Variants in PBX3 observed in about 807,000 individuals in gnomAD.
PBX3 encodes PBX homeobox 3, also known as pre-B-cell leukemia transcription factor 3.
Under a neutral mutation model 48.5 loss-of-function variants are expected in PBX3, and 14 were observed. The observed-to-expected ratio is 0.29, with a 90% CI of 0.19 to 0.45. The LOEUF is 0.45. Ranked by LOEUF, PBX3 falls within the 20% of genes least tolerant of loss-of-function variation. The probability of loss-of-function intolerance (pLI) is 1.00; values close to 1 mark genes in which losing one functional copy is unlikely to be tolerated. For synonymous variants in PBX3, 210 were observed against 200.3 expected, an observed-to-expected ratio of 1.05 and a Z score of -0.41; for missense variants, 386 against 546.7, an observed-to-expected ratio of 0.71 and a Z score of 2.93.
intron 2 of PBX3, among the ~76,000 whole-genome samples, chr9:125,792,308 G>C (rs142189717): frequency 6.6e-6 from 1 of 152,284 alleles, no homozygotes; most frequent in East Asian, 1.9e-4. Context: ...AGATCCTTCA[G>C]GGTATGGCTC....
At chr9:125,753,677 G>T (rs1836434262) in intron 2 of PBX3, among the ~76,000 whole-genome samples, 1 of 151,726 alleles carries the variant, frequency 6.6e-6, no homozygotes, top group Non-Finnish European at 1.5e-5. Context: ...TATTTTATTT[G>T]GGACTTTACT....
At chr9:125,865,850 A>T (rs868001262) in intron 2 of PBX3, among the ~76,000 whole-genome samples, 1 of 152,198 alleles carries the variant, frequency 6.6e-6, no homozygotes, top group Non-Finnish European at 1.5e-5. Context: ...TAAGTGGTTG[A>T]TGTGAGAAGA....
chr9:125,756,792 A>G (rs1836529966), intron 2 of PBX3, among the ~76,000 whole-genome samples: 1 of 152,146 alleles, frequency 6.6e-6, no homozygotes, highest in South Asian at 2.1e-4. Flanking sequence ...TCCTGATTAC[A>G]TTTCGCTGTG....
chr9:125,747,607 C>G lies in PBX3; in HGVS notation c.154C>G (p.Gln52Glu). 2 of 1,604,888 alleles carry G rather than the reference C, an allele frequency of 1.2e-6. No homozygotes were observed. Among genetic ancestry groups the G allele is most frequent in the East Asian group, 2.3e-5 (1 of 43,530 alleles). ...RKQDIGDILH[Q>E]IMTITDQSLD... ...GCAGGACATCGGCGACATCCTCCAC[C>G]AGATCATGACCATCACCGACCAGAG... Residue 52 changes from glutamine (Q) to glutamate (E), a missense_variant, in exon 1 of 9, where the codon CAG becomes GAG. Around this residue, in one of 4 missense-constraint regions of PBX3, gnomAD observed 116 missense variants for 98.2 expected, o/e 1.18. Transcript: ENST00000373489.
intron 2 of PBX3, among the ~76,000 whole-genome samples, chr9:125,757,143 A>AAT (rs1836539690): frequency 6.6e-6 from 1 of 152,150 alleles, no homozygotes; most frequent in Non-Finnish European, 1.5e-5. Flanking sequence ...TGCATTAAAA[A>AAT]ATATATATAT....
chr9:125,929,990 T>A, intron 4 of PBX3, 145 bp downstream of exon 4: 1 of 648,780 alleles, frequency 1.5e-6, no homozygotes, highest in South Asian at 1.9e-5. Flanking sequence ...CAACTCATGG[T>A]TCCTGTGCTG....
At chr9:125,795,623 T>G (rs1028172076) in intron 2 of PBX3, among the ~76,000 whole-genome samples, 3 of 152,142 alleles carry the variant, frequency 2.0e-5, no homozygotes, top group Non-Finnish European at 4.4e-5. Context: ...TAAATCAGAT[T>G]CCACTATTAA....
At chr9:125,753,575 C>T (rs1836431621) in intron 2 of PBX3, among the ~76,000 whole-genome samples, 1 of 152,056 alleles carries the variant, frequency 6.6e-6, no homozygotes, top group Non-Finnish European at 1.5e-5. Flanking sequence ...GTATTGAACT[C>T]TCTTGTCAAT....
At chr9:125,949,895 C>T (rs1048221693) in intron 5 of PBX3, among the ~76,000 whole-genome samples, 14 of 152,114 alleles carry the variant, frequency 9.2e-5, no homozygotes, top group Non-Finnish European at 1.3e-4. Context: ...TTCTGGGATG[C>T]GGCTGTGTTG....
At chr9:125,760,590 A>C (rs907389707) in intron 2 of PBX3, among the ~76,000 whole-genome samples, 22 of 152,184 alleles carry the variant, frequency 1.4e-4, no homozygotes, top group African/African-American at 5.1e-4. Context: ...ATTGTATTTA[A>C]ATTTCTGTGG....
chr9:125,814,980 T>C (rs1357352440), intron 2 of PBX3, among the ~76,000 whole-genome samples: 5 of 152,236 alleles, frequency 3.3e-5, no homozygotes, highest in African/African-American at 1.2e-4. Flanking sequence ...TTCTAACTCA[T>C]CTTTTATCAG....
At position 125,875,732 on chromosome 9, in the gene PBX3, C is replaced by G. The variant is rs142195394; in HGVS notation, c.275-39954C>G. Among the ~76,000 whole-genome samples the G allele has an allele frequency of 2.9e-3, 445 of 152,240 alleles. 2 individuals are homozygous for G. Among genetic ancestry groups the G allele is most frequent in the Non-Finnish European group, 5.4e-3 (364 of 68,006 alleles). Reference sequence around the variant, plus strand: ...TGCTACTCAAACATTTAATTATTCCCCCCCACCTGTAGGATGAAGTTCAAA... The same window carrying G: ...TGCTACTCAAACATTTAATTATTCCGCCCCACCTGTAGGATGAAGTTCAAA... On this transcript the variant is annotated intron_variant, in intron 2 of 8. Coordinates refer to ENST00000373489, the MANE Select transcript of PBX3 (RefSeq NM_006195.6).
chr9:125,961,001 G>A (rs1446550627), intron 6 of PBX3, 152 bp downstream of exon 6: 10 of 764,640 alleles, frequency 1.3e-5, no homozygotes, highest in Non-Finnish European at 1.9e-5. Context: ...CTTGAGATGG[G>A]TGAATGAGTG....
chr9:125,807,124 A>G (rs1300718559), intron 2 of PBX3, among the ~76,000 whole-genome samples: 1 of 152,186 alleles, frequency 6.6e-6, no homozygotes, highest in Non-Finnish European at 1.5e-5. Context: ...GGAGTTTGAG[A>G]CCAGCCTGGC....
intron 2 of PBX3, among the ~76,000 whole-genome samples, chr9:125,854,601 G>A (rs557632241): frequency 1.3e-5 from 2 of 152,190 alleles, no homozygotes; most frequent in South Asian, 4.2e-4. Flanking sequence ...AATTTTTAGT[G>A]AATGAATGTG....
chr9:125,929,708 A>G lies in PBX3; in HGVS notation c.570A>G (p.Arg190=). ...TGAACCTTCTCCGAGAACAGAGTAG[A>G]ACACGTCCCATTTCTCCAAAAGAGA... The part of the protein sequence containing the change: ...HVMNLLREQS[R]TRPISPKEIE... Residue 190 remains arginine (R), a synonymous_variant, in exon 4 of 9, where the codon AGA becomes AGG. Coordinates refer to ENST00000373489, the MANE Select transcript of PBX3 (RefSeq NM_006195.6). 6.2e-7 allele frequency: 1 copy of G among 1,614,062 alleles called. No homozygotes were observed. Among genetic ancestry groups the G allele is most frequent in the South Asian group, 1.1e-5 (1 of 91,056 alleles).
At chr9:125,800,317 GA>G (rs1285323043) in intron 2 of PBX3, among the ~76,000 whole-genome samples, 2 of 152,184 alleles carry the variant, frequency 1.3e-5, no homozygotes, top group African/African-American at 4.8e-5. Context: ...ATTGCTCATG[GA>G]ATGAAATAGG....
At position 125,906,564 on chromosome 9, in the gene PBX3, A is replaced by G. The variant is rs1841076260; in HGVS notation, c.275-9122A>G. On this transcript the variant is annotated intron_variant, in intron 2 of 8. Transcript: ENST00000373489. ...ATGAGATTAATTATCTGATAGGGGC[A>G]GGGTTCTTGCTCCCATGAGGGACAT... Among the ~76,000 whole-genome samples, 2 of 152,032 alleles carry G rather than the reference A, an allele frequency of 1.3e-5. 1 individual carries two copies. Among genetic ancestry groups the G allele is most frequent in the Non-Finnish European group, 2.9e-5 (2 of 67,946 alleles).
intron 2 of PBX3, among the ~76,000 whole-genome samples, chr9:125,769,711 A>G (rs985050320): frequency 1.3e-5 from 2 of 152,222 alleles, no homozygotes; most frequent in Admixed American, 6.5e-5. Flanking sequence ...GAAAAAAAGG[A>G]TAGATCAACA....
Sources: allele counts gnomAD v4.1 joint callset (sites outside exome capture counted in the v4.1 genomes callset), GRCh38; gene constraint gnomAD v4.1.1; regional missense constraint gnomAD v4.1.1; transcripts MANE v1.5; gene names NCBI Gene and HGNC (gene_info 2026-07-23, HGNC 2026-07-21).